EYS: variants seen among roughly 807,000 people sequenced by gnomAD.
EYS encodes EGF-like photoreceptor maintenance factor.
EYS carries 250 observed loss-of-function variants against 282.1 expected under a neutral mutation model. The observed-to-expected ratio is 0.89, with a 90% CI of 0.80 to 0.98. The LOEUF (loss-of-function observed/expected upper bound fraction) is 0.98. EYS is among the 50% of genes least tolerant of loss of function. The pLI, the probability that EYS is intolerant of heterozygous loss-of-function variation, is 0.00. For missense variants in EYS, 4,016 were observed against 3,709.0 expected (o/e 1.08, Z -2.15); for synonymous variants, 1,355 against 1,282.9 (o/e 1.06, Z -1.20).
At chr6:65,252,984 A>G (rs541664249) in intron 12 of EYS, among the ~76,000 whole-genome samples, 1 of 152,074 alleles carries the variant, frequency 6.6e-6, no homozygotes, top group Non-Finnish European at 1.5e-5. Context: ...AGCATTTGAG[A>G]CATCCCTGTA....
chr6:65,122,252 C>G (rs1775576991), intron 12 of EYS, among the ~76,000 whole-genome samples: 1 of 152,034 alleles, frequency 6.6e-6, no homozygotes, highest in Admixed American at 6.6e-5. Context: ...CAAATGTAGT[C>G]CAGAATAACT....
chr6:64,168,240 G>C (rs919144076), intron 31 of EYS, among the ~76,000 whole-genome samples: 1 of 150,512 alleles, frequency 6.6e-6, no homozygotes, highest in Non-Finnish European at 1.5e-5. Context: ...CAGCCTGGGC[G>C]ACAGAGCGAA....
chr6:63,938,886 T>C (rs1192050654), intron 35 of EYS, among the ~76,000 whole-genome samples: 2 of 152,192 alleles, frequency 1.3e-5, no homozygotes, highest in Non-Finnish European at 2.9e-5. Context: ...CCTTGTTTTA[T>C]CATGGGTCAG....
chr6:65,583,285 G>T (rs1197812410), intron 2 of EYS, among the ~76,000 whole-genome samples: 1 of 151,896 alleles, frequency 6.6e-6, no homozygotes, highest in Non-Finnish European at 1.5e-5. Context: ...GCCGTAAGAA[G>T]AATTTTATAG....
chr6:65,337,352 C>A (rs1019423377), intron 10 of EYS, among the ~76,000 whole-genome samples: 1 of 151,296 alleles, frequency 6.6e-6, no homozygotes, highest in Non-Finnish European at 1.5e-5. Flanking sequence ...CAAAGGCTTT[C>A]ATTTCTGTTT....
intron 22 of EYS, among the ~76,000 whole-genome samples, chr6:64,656,914 C>G (rs972476274): frequency 1.3e-5 from 2 of 152,148 alleles, no homozygotes; most frequent in Non-Finnish European, 2.9e-5. Context: ...CATTAGACAA[C>G]AGCATGACAG....
At chr6:65,499,743 T>G (rs1206544469) in intron 2 of EYS, among the ~76,000 whole-genome samples, 2 of 151,954 alleles carry the variant, frequency 1.3e-5, no homozygotes, top group Non-Finnish European at 2.9e-5. Context: ...GATGAACATT[T>G]TAGCAAGGAT....
intron 12 of EYS, among the ~76,000 whole-genome samples, chr6:65,108,034 A>G (rs545758437): frequency 6.6e-6 from 1 of 152,144 alleles, no homozygotes; most frequent in Non-Finnish European, 1.5e-5. Flanking sequence ...AAATTGAGAT[A>G]AAATAAGAAC....
chr6:65,317,825 C>CCTTCCTTCCTTCCTTCCTTCCTTCCTTT (rs1562092985), intron 11 of EYS, among the ~76,000 whole-genome samples: 10 of 81,218 alleles, frequency 1.2e-4, no homozygotes, highest in South Asian at 4.7e-4. Context: ...TTCCTTCCTT[C>CCTTCCTTCCTTCCTTCCTTCCTTCCTTT]CTTTCTTTCT....
chr6:64,930,813 A>T (rs1185416536), intron 15 of EYS, among the ~76,000 whole-genome samples: 1 of 152,190 alleles, frequency 6.6e-6, no homozygotes, highest in East Asian at 1.9e-4. Context: ...ACAAATGCCA[A>T]CTGCACAGGC....
chr6:65,361,968 C>T lies in EYS; in HGVS notation c.1300-8351G>A, dbSNP rs189228402. Among the ~76,000 whole-genome samples the T allele has an allele frequency of 7.0e-4, 107 of 152,146 alleles. No homozygotes were observed. In the South Asian group the frequency reaches 9.7e-3, roughly 14 times the overall value. On this transcript the variant is annotated intron_variant, in intron 8 of 42. Transcript: ENST00000503581. ...AATGTACACTATTCTAAAACACATA[C>T]GAGTAACTAATTTATTATTCACAAT...
intron 22 of EYS, among the ~76,000 whole-genome samples, chr6:64,735,718 G>A (rs1772165937): frequency 2.0e-5 from 3 of 152,244 alleles, no homozygotes; most frequent in East Asian, 3.9e-4. Context: ...TACAATTGAT[G>A]GATAGTGTCT....
At chr6:64,489,157 T>G (rs1776662213) in intron 26 of EYS, among the ~76,000 whole-genome samples, 1 of 150,878 alleles carries the variant, frequency 6.6e-6, no homozygotes, top group Non-Finnish European at 1.5e-5. Flanking sequence ...ATGGAGAGAT[T>G]TATTAGAGAT....
intron 2 of EYS, among the ~76,000 whole-genome samples, chr6:65,521,305 T>C (rs1183155373): frequency 6.6e-6 from 1 of 152,138 alleles, no homozygotes; most frequent in East Asian, 1.9e-4. Flanking sequence ...CTTGGTGTGT[T>C]TGCTTTCTAC....
chr6:64,458,543 C>A (rs367739374), intron 26 of EYS, among the ~76,000 whole-genome samples: 1 of 151,994 alleles, frequency 6.6e-6, no homozygotes, highest in Admixed American at 6.6e-5. Flanking sequence ...GCAAAGTCTG[C>A]AGCTAGGCAT....
intron 33 of EYS, among the ~76,000 whole-genome samples, chr6:64,046,567 AAC>A (rs1484549081): frequency 6.6e-6 from 1 of 152,022 alleles, no homozygotes; most frequent in Non-Finnish European, 1.5e-5. Flanking sequence ...TTCAACCAGA[AAC>A]ACAATAGAAT....
chr6:64,499,561 C>T (rs187958184), intron 26 of EYS, among the ~76,000 whole-genome samples: 213 of 152,132 alleles, frequency 1.4e-3, no homozygotes, highest in Non-Finnish European at 2.5e-3. Context: ...TGTGTCCTGG[C>T]TTAATTATTT....
rs570932932 is a variant in EYS, at chr6:64,709,723, G to A, written c.3444-83478C>T. Among the ~76,000 whole-genome samples, 13 of 152,318 alleles carry A rather than the reference G, an allele frequency of 8.5e-5. No homozygotes were observed. In the South Asian group the frequency reaches 2.3e-3, roughly 27 times the overall value. On this transcript the variant is annotated intron_variant, in intron 22 of 42. Coordinates refer to ENST00000503581, the MANE Select transcript of EYS (RefSeq NM_001142800.2). ...ATGCCACATATGAAAATTCGTCCTA[G>A]AGGAGTAGTATGTGGTAACACATTG...
At chr6:65,266,989 T>TAGAG (rs1554173094) in intron 12 of EYS, among the ~76,000 whole-genome samples, 14 of 142,118 alleles carry the variant, frequency 9.9e-5, no homozygotes, top group South Asian at 2.2e-4. Flanking sequence ...TATATATATA[T>TAGAG]AGAGAGAGAG....
Sources: allele counts gnomAD v4.1 joint callset (sites outside exome capture counted in the v4.1 genomes callset), GRCh38; gene constraint gnomAD v4.1.1; transcripts MANE v1.5; gene names NCBI Gene and HGNC (gene_info 2026-07-23, HGNC 2026-07-21).